PKP4: variants seen among roughly 807,000 people sequenced by gnomAD.
The protein encoded by PKP4 is plakophilin-4.
PKP4 carries 90 observed loss-of-function variants against 145.1 expected under a neutral mutation model. That is an observed-to-expected ratio of 0.62 (90% CI 0.52 to 0.74). The LOEUF (loss-of-function observed/expected upper bound fraction) is 0.74. PKP4 is among the 30% of genes least tolerant of loss of function. The pLI, the probability that PKP4 is intolerant of heterozygous loss-of-function variation, is 0.00. For missense variants in PKP4, 1,340 were observed against 1,482.7 expected, an observed-to-expected ratio of 0.90 and a Z score of 1.58; for synonymous variants, 563 against 577.2, an observed-to-expected ratio of 0.98 and a Z score of 0.35.
chr2:158,635,101 C>T (rs2053698568), intron 9 of PKP4, among the ~76,000 whole-genome samples: 1 of 152,132 alleles, frequency 6.6e-6, no homozygotes, highest in Admixed American at 6.5e-5. Flanking sequence ...ACTCTTCGCC[C>T]ACAAATAGTT....
In PKP4 at chr2:158,550,515, T is replaced by G. The variant is rs1008719880; in HGVS notation, c.132+17199T>G. Among the ~76,000 whole-genome samples the G allele has an allele frequency of 1.6e-4, 24 of 152,218 alleles. 1 individual carries two copies. The stretch of plus-strand genomic sequence containing the variant: ...ACAAACAGTGTGACCCAACAAGCAC[T>G]TTACCACCAGGGCTGACTCCCTGAT... On this transcript the variant is annotated intron_variant, in intron 2 of 21. Transcript: ENST00000389759.
intron 20 of PKP4, 43 bp from the exon 21 acceptor site, chr2:158,678,538 G>C: frequency 7.3e-7 from 1 of 1,378,970 alleles, no homozygotes. Context: ...ATGGACCAGA[G>C]TAATAAGCAC....
At chr2:158,592,480 G>C (rs936776170) in intron 3 of PKP4, among the ~76,000 whole-genome samples, 10 of 151,976 alleles carry the variant, frequency 6.6e-5, no homozygotes, top group Non-Finnish European at 1.3e-4. Context: ...CATGAATCAA[G>C]AGCTGAAAAT....
At position 158,645,083 on chromosome 2, in the gene PKP4, A is replaced by T. The variant is rs182971691; in HGVS notation, c.1909+2384A>T. Among the ~76,000 whole-genome samples, 432 of 152,336 alleles carry T rather than the reference A, an allele frequency of 2.8e-3. 2 individuals are homozygous for T. The highest frequency in any genetic ancestry group is 9.2e-3 in the African/African-American group (381 of 41,574). ...AAGATATTAATGTTCAAAATACAAC[A>T]TTAATATTCCCTTGTACTCTAAATA... On this transcript the variant is annotated intron_variant, in intron 11 of 21. Coordinates refer to ENST00000389759, the MANE Select transcript of PKP4 (RefSeq NM_003628.6).
intron 1 of PKP4, 45 bp from the exon 2 acceptor site, chr2:158,533,135 G>T: frequency 6.5e-7 from 1 of 1,546,316 alleles, no homozygotes. Context: ...GTTCCTGCAA[G>T]GGAGCCCAGA....
intron 1 of PKP4, among the ~76,000 whole-genome samples, chr2:158,517,988 T>G (rs16842998): frequency 0.046 from 7,061 of 152,290 alleles, 411 homozygotes; most frequent in African/African-American, 0.14. Context: ...TTTAAAATTT[T>G]TTTCTGTATC....
chr2:158,502,338 A>G (rs1433610070), intron 1 of PKP4, among the ~76,000 whole-genome samples: 1 of 152,154 alleles, frequency 6.6e-6, no homozygotes, highest in African/African-American at 2.4e-5. Context: ...TCTTTCTGAG[A>G]TTGAAGTCTT....
chr2:158,668,893 A>G (rs1006947683), intron 16 of PKP4, among the ~76,000 whole-genome samples: 1 of 152,248 alleles, frequency 6.6e-6, no homozygotes. Context: ...GAAGATGTTT[A>G]CTTGCACTTT....
Position 158,615,210 on chromosome 2 carries a change from A to G in PKP4, c.281-5780A>G, listed in dbSNP as rs2051485568. Among the ~76,000 whole-genome samples the G allele has an allele frequency of 2.0e-5, 3 of 152,030 alleles. No individual in the cohort carries two copies. In the South Asian group the frequency reaches 6.2e-4, roughly 31 times the overall value. On this transcript the variant is annotated intron_variant, in intron 4 of 21. Coordinates refer to ENST00000389759, the MANE Select transcript of PKP4 (RefSeq NM_003628.6). ...TCTATATTTGGTAATTTTTTTTCCCAAAGAGAATAAAAAGTGTCTTTGAAA... is the reference window on the plus strand; with the variant it reads ...TCTATATTTGGTAATTTTTTTTCCCGAAGAGAATAAAAAGTGTCTTTGAAA...
At chr2:158,580,959 A>G (rs1220849291) in intron 3 of PKP4, among the ~76,000 whole-genome samples, 2 of 152,208 alleles carry the variant, frequency 1.3e-5, no homozygotes, top group Non-Finnish European at 2.9e-5. Flanking sequence ...TGGCCCTGGC[A>G]CAGAGCCTGG....
chr2:158,544,181 G>GGGC (rs2044757823), intron 2 of PKP4, among the ~76,000 whole-genome samples: 3 of 152,196 alleles, frequency 2.0e-5, no homozygotes, highest in African/African-American at 7.2e-5. Flanking sequence ...TGTGGCTCCA[G>GGGC]GGCAGCCAGC....
chr2:158,466,255 C>G (rs1047620211), intron 1 of PKP4, among the ~76,000 whole-genome samples: 4 of 152,168 alleles, frequency 2.6e-5, no homozygotes, highest in African/African-American at 9.7e-5. Context: ...GTGCCTAGTA[C>G]CTATCCTCTG....
At chr2:158,555,919 T>C (rs368648897) in intron 2 of PKP4, among the ~76,000 whole-genome samples, 1 of 152,222 alleles carries the variant, frequency 6.6e-6, no homozygotes, top group Non-Finnish European at 1.5e-5. Context: ...GTTTTTTCCA[T>C]AGCTTGCTTA....
At chr2:158,483,380 A>T (rs1125842) in intron 1 of PKP4, among the ~76,000 whole-genome samples, 133,273 of 147,884 alleles carry the variant, frequency 0.9, 60,069 homozygotes, top group East Asian at 0.97. Context: ...TTTTTTTTTA[A>T]ATCATTTTGT....
In PKP4 at chr2:158,662,937, A is replaced by G. The variant is rs1324503565; in HGVS notation, c.2252A>G (p.Tyr751Cys). ...NCVCTLRNLS[Y>C]RLELEVPQAR... Reference sequence around the variant, plus strand: ...GTGTGCACCCTGAGGAACCTGTCCTATCGGCTGGAGCTGGAGGTGCCCCAG... The same window carrying G: ...GTGTGCACCCTGAGGAACCTGTCCTGTCGGCTGGAGCTGGAGGTGCCCCAG... Residue 751 changes from tyrosine (Y) to cysteine (C), a missense_variant, in exon 14 of 22, where the codon TAT becomes TGT. Transcript: ENST00000389759. The G allele has an allele frequency of 3.1e-6, 5 of 1,613,032 alleles. No homozygotes were observed. Among genetic ancestry groups the G allele is most frequent in the South Asian group, 2.2e-5 (2 of 90,976 alleles).
Position 158,676,302 on chromosome 2 carries a change from A to AT in PKP4, c.3128-436dup, listed in dbSNP as rs1482495564. 6.6e-5 allele frequency among the ~76,000 whole-genome samples: 10 copies of AT among 152,374 alleles called. 1 individual carries two copies. Among genetic ancestry groups the AT allele is most frequent in the Admixed American group, 5.2e-4 (8 of 15,310 alleles). Reference sequence around the variant, plus strand: ...ACTTCTGTTGGCTGAAGAGCTATACATAAAGGATAATAGGTGGGTATTTTG... The same window carrying AT: ...ACTTCTGTTGGCTGAAGAGCTATACATTAAAGGATAATAGGTGGGTATTTTG... On this transcript the variant is annotated intron_variant, in intron 19 of 21. Coordinates refer to ENST00000389759, the MANE Select transcript of PKP4 (RefSeq NM_003628.6).
intron 1 of PKP4, chr2:158,457,859 G>C (rs984437605): frequency 6.5e-6 from 1 of 153,384 alleles, no homozygotes; most frequent in South Asian, 2.1e-4. Flanking sequence ...ACCCCTCCCG[G>C]CTCCCCAGCG....
intron 3 of PKP4, among the ~76,000 whole-genome samples, chr2:158,600,758 G>C (rs2050159503): frequency 6.6e-6 from 1 of 152,158 alleles, no homozygotes; most frequent in South Asian, 2.1e-4. Context: ...GGGCTGAATA[G>C]ATGATCTTCA....
chr2:158,591,067 G>A (rs1461234530), intron 3 of PKP4, among the ~76,000 whole-genome samples: 1 of 152,084 alleles, frequency 6.6e-6, no homozygotes, highest in Admixed American at 6.6e-5. Context: ...AGTTGATACT[G>A]TACTGATACA....
Sources: allele counts gnomAD v4.1 joint callset (sites outside exome capture counted in the v4.1 genomes callset), GRCh38; gene constraint gnomAD v4.1.1; transcripts MANE v1.5; gene names NCBI Gene and HGNC (gene_info 2026-07-23, HGNC 2026-07-21).